The following ACSM2B variants were observed in gnomAD, a reference collection of about 807,000 sequenced individuals.
ACSM2B encodes the protein acyl-coenzyme A synthetase ACSM2B, mitochondrial.
Under a neutral mutation model 78.6 loss-of-function variants are expected in ACSM2B, and 58 were observed. That is an observed-to-expected ratio of 0.74 (90% CI 0.60 to 0.92). ACSM2B has a LOEUF of 0.92. ACSM2B is among the 40% of genes least tolerant of loss of function. The probability of loss-of-function intolerance (pLI) is 0.00; values close to 1 mark genes in which losing one functional copy is unlikely to be tolerated. For missense variants in ACSM2B, 688 were observed against 711.2 expected (o/e 0.97, Z 0.37); for synonymous variants, 257 against 256.8 (o/e 1.00, Z -0.01).
chr16:20,551,915 T>A (rs2015320553), intron 6 of ACSM2B, among the ~76,000 whole-genome samples: 1 of 152,132 alleles, frequency 6.6e-6, no homozygotes, highest in African/African-American at 2.4e-5. Flanking sequence ...TGACCTACAA[T>A]ATCTTTCTCC....
intron 2 of ACSM2B, among the ~76,000 whole-genome samples, chr16:20,562,423 A>G (rs1293205727): frequency 2.0e-5 from 3 of 152,160 alleles, no homozygotes; most frequent in Admixed American, 6.5e-5. Context: ...TCAGAGTTAT[A>G]CTACTTTTTG....
intron 10 of ACSM2B, among the ~76,000 whole-genome samples, chr16:20,544,326 G>C (rs1212230087): frequency 6.6e-6 from 1 of 152,182 alleles, no homozygotes; most frequent in Non-Finnish European, 1.5e-5. Flanking sequence ...AGACATGACA[G>C]ATAGGTAACT....
chr16:20,544,804 T>G lies in ACSM2B; in HGVS notation c.1281+353A>C, dbSNP rs183330454. 381 of 999,504 alleles carry G rather than the reference T, an allele frequency of 3.8e-4. No individual in the cohort carries two copies. In the African/African-American group the frequency reaches 6.2e-3, roughly 16 times the overall value. The allele number at this position is 999,504 out of a possible 1,614,324, so 61.9% of individuals were successfully genotyped here. A position where few individuals can be genotyped will look rare whatever the true frequency, so the allele number is the denominator to read the frequency against. ...ATGGCTCTAAAGAAGATCAACGGCA[T>G]AGATCATGGGGATGATACCTAGGGG... On this transcript the variant is annotated intron_variant, in intron 10 of 13. Coordinates refer to ENST00000329697, the MANE Select transcript of ACSM2B (RefSeq NM_001105069.2).
intron 1 of ACSM2B, among the ~76,000 whole-genome samples, chr16:20,568,395 T>TATATATAAATATTTATATATTTATAAAA (rs1283854919): frequency 7.5e-5 from 11 of 146,262 alleles, no homozygotes; most frequent in African/African-American, 2.2e-4. Context: ...ACTATACTAC[T>TATATATAAATATTTATATATTTATAAAA]ATATATAAAT....
rs188171953 is a variant in ACSM2B, at chr16:20,559,465, C to T, written c.178-18G>A. 6.2e-7 allele frequency: 1 copy of T among 1,612,336 alleles called. No individual in the cohort carries two copies. Among genetic ancestry groups the T allele is most frequent in the Non-Finnish European group, 8.5e-7 (1 of 1,179,190 alleles). ...TTGCCAGCCTGAGGAAAGAGAAACC[C>T]TGTTGATTAGGGGGCATTGGTACAC... On this transcript the variant is annotated intron_variant, in intron 2 of 13. Coordinates refer to ENST00000329697, the MANE Select transcript of ACSM2B (RefSeq NM_001105069.2).
chr16:20,552,455 G>C (rs2015344541), intron 5 of ACSM2B, among the ~76,000 whole-genome samples, 158 bp from the exon 6 acceptor site: 1 of 152,044 alleles, frequency 6.6e-6, no homozygotes, highest in African/African-American at 2.4e-5. Flanking sequence ...AAGTAGGAAG[G>C]GGGAAGAAAA....
chr16:20,555,156 T>G lies in ACSM2B; in HGVS notation c.596+113A>C, dbSNP rs536583412. The G allele has an allele frequency of 2.0e-6, 3 of 1,536,720 alleles. No homozygotes were observed. The South Asian group carries it at 3.6e-5, about 18-fold the overall frequency. The stretch of plus-strand genomic sequence containing the variant: ...TTTTATTTCTTCCCAGCTTCACTCT[T>G]CCTAGTCCCATGCTGTTCTTCCTGC... On this transcript the variant is annotated intron_variant, in intron 4 of 13. Transcript: ENST00000329697.
chr16:20,550,885 T>A (rs1362515990), intron 6 of ACSM2B, among the ~76,000 whole-genome samples: 1 of 152,170 alleles, frequency 6.6e-6, no homozygotes, highest in Non-Finnish European at 1.5e-5. Flanking sequence ...AGGAAAAAAT[T>A]CCACTTATTC....
intron 13 of ACSM2B, 46 bp from the exon 14 acceptor site, chr16:20,537,408 G>A: frequency 1.2e-6 from 2 of 1,605,886 alleles, no homozygotes; most frequent in Non-Finnish European, 1.7e-6. Flanking sequence ...TGTGATGACA[G>A]TGGGTTGCAT....
Position 20,549,764 on chromosome 16 carries a change from T to C in ACSM2B, c.895-1291A>G, listed in dbSNP as rs143294803. ...ACATAAGACATCAATCAAACACATT[T>C]AAAAAATACATTGGTTTGGTCCAGA... On this transcript the variant is annotated intron_variant, in intron 6 of 13. Coordinates refer to ENST00000329697, the MANE Select transcript of ACSM2B (RefSeq NM_001105069.2). The C allele has an allele frequency of 4.1e-4, 184 of 451,002 alleles. 1 individual carries two copies. In the East Asian group the frequency reaches 0.012, roughly 31 times the overall value. The allele number at this position is 451,002 out of a possible 1,614,324, so 27.9% of individuals were successfully genotyped here.
Position 20,548,052 on chromosome 16 carries a change from G to A in ACSM2B, c.1098+10C>T, listed in dbSNP as rs770611802. The A allele has an allele frequency of 6.8e-6, 11 of 1,613,784 alleles. No individual in the cohort carries two copies. The East Asian group carries it at 2.5e-4, about 36-fold the overall frequency. ...TGCACACAGCCCATGGTTCCCCTGG[G>A]AACAGGTACCGTTTCTGTCTGGCCA... On this transcript the variant is annotated intron_variant, in intron 8 of 13. Coordinates refer to ENST00000329697, the MANE Select transcript of ACSM2B (RefSeq NM_001105069.2).
At chr16:20,555,503 T>G (rs551929942) in intron 3 of ACSM2B, 27 bp from the exon 4 acceptor site, 1 of 1,610,936 alleles carries the variant, frequency 6.2e-7, no homozygotes, top group South Asian at 1.1e-5. Context: ...TTTAGAGAAT[T>G]GGAAAGGATG....
chr16:20,553,772 C>T lies in ACSM2B; in HGVS notation c.740+5G>A, dbSNP rs759008923. The T allele has an allele frequency of 1.9e-5, 30 of 1,608,470 alleles. No homozygotes were observed. Among genetic ancestry groups the T allele is most frequent in the Non-Finnish European group, 2.5e-5 (30 of 1,176,666 alleles). On this transcript the variant is annotated splice_donor_5th_base_variant and intron_variant, in intron 5 of 13. Coordinates refer to ENST00000329697, the MANE Select transcript of ACSM2B (RefSeq NM_001105069.2). ...TTCTCTGTAGAGAGAAAGAGCTCAG[C>T]TTACCCAGCATCCATCTTGGCCTTG...
At chr16:20,566,260 T>TATATAG (rs2152145342) in intron 1 of ACSM2B, among the ~76,000 whole-genome samples, 1 of 124,882 alleles carries the variant, frequency 8.0e-6, no homozygotes, top group South Asian at 2.4e-4. Context: ...TATATATATA[T>TATATAG]ATATATATAT....
chr16:20,566,789 G>A, intron 1 of ACSM2B, among the ~76,000 whole-genome samples: 1 of 79,682 alleles, frequency 1.3e-5, no homozygotes, highest in Non-Finnish European at 2.3e-5. Flanking sequence ...ACAATATTTT[G>A]AAATATATAA....
rs184952707 is a variant in ACSM2B, at chr16:20,569,791, G to C, written c.-8-4938C>G. On this transcript the variant is annotated intron_variant, in intron 1 of 13. Coordinates refer to ENST00000329697, the MANE Select transcript of ACSM2B (RefSeq NM_001105069.2). ...TTTTCCTTGAATAGGTCTTTGGTTAGGTATATTCCTAAGTATTTTTTTTGC... is the reference window on the plus strand; with the variant it reads ...TTTTCCTTGAATAGGTCTTTGGTTACGTATATTCCTAAGTATTTTTTTTGC... 1.7e-4 allele frequency among the ~76,000 whole-genome samples: 25 copies of C among 151,102 alleles called. No individual in the cohort carries two copies. The East Asian group carries it at 4.7e-3, about 28-fold the overall frequency.
intron 1 of ACSM2B, among the ~76,000 whole-genome samples, chr16:20,566,669 G>GTAGA (rs2015867218): frequency 3.5e-5 from 1 of 28,284 alleles, no homozygotes; most frequent in African/African-American, 3.0e-4. Flanking sequence ...TGTATATATA[G>GTAGA]TATATACATA....
In ACSM2B at chr16:20,547,905, T is replaced by G. The variant is rs62035057; in HGVS notation, c.1098+157A>C. ...GAACTTTGCCTTTTTTGTTCTGTGCTGAATTTTCAATACTCAGTACCTGTC... is the reference window on the plus strand; with the variant it reads ...GAACTTTGCCTTTTTTGTTCTGTGCGGAATTTTCAATACTCAGTACCTGTC... On this transcript the variant is annotated intron_variant, in intron 8 of 13. Coordinates refer to ENST00000329697, the MANE Select transcript of ACSM2B (RefSeq NM_001105069.2). The G allele has an allele frequency of 7.5e-4, 1,119 of 1,483,818 alleles. 1 individual carries two copies. Among genetic ancestry groups the G allele is most frequent in the Middle Eastern group, 1.8e-3 (7 of 3,900 alleles). 91.9% of individuals were successfully genotyped at this position (1,483,818 alleles called of 1,614,324 possible).
At chr16:20,563,559 G>C (rs2015731630) in intron 2 of ACSM2B, among the ~76,000 whole-genome samples, 1 of 151,570 alleles carries the variant, frequency 6.6e-6, no homozygotes, top group Non-Finnish European at 1.5e-5. Flanking sequence ...ATATTTAAAG[G>C]GCCTTCCTCA....
Sources: gnomAD v4.1 joint callset for allele counts (sites outside exome capture counted in the v4.1 genomes callset) on GRCh38, gnomAD v4.1.1 for gene constraint, MANE v1.5 for transcripts, NCBI Gene and HGNC (gene_info 2026-07-23, HGNC 2026-07-21) for gene names.